Variants in OPCML observed in about 807,000 individuals in gnomAD.
The protein encoded by OPCML is opioid-binding protein/cell adhesion molecule.
OPCML carries 13 observed loss-of-function variants against 37.8 expected under a neutral mutation model. That is an observed-to-expected ratio of 0.34 (90% CI 0.22 to 0.55). The LOEUF is 0.55. Among genes scored for constraint, OPCML ranks in the 20% least tolerant of loss-of-function variants. The pLI is 0.91. For missense variants in OPCML, 341 were observed against 435.6 expected (o/e 0.78, Z 1.93); for synonymous variants, 176 against 168.8 (o/e 1.04, Z -0.33).
At chr11:133,015,858 A>G (rs1308206045) in intron 1 of OPCML, among the ~76,000 whole-genome samples, 2 of 151,910 alleles carry the variant, frequency 1.3e-5, no homozygotes, top group Non-Finnish European at 2.9e-5. Context: ...TATCCTCCCC[A>G]TCCCTAACAA....
rs77940690 is a variant in OPCML at position 132,645,193 on chromosome 11, G to T, written c.379+11894C>A. On this transcript the variant is annotated intron_variant, in intron 3 of 7. Coordinates refer to ENST00000524381, the MANE Select transcript of OPCML (RefSeq NM_001012393.5). ...CCTAAATTAAGGAATTCTTTTTAAGGTTTCACTAAGAACTTCTTTATTCAA... is the reference window on the plus strand; with the variant it reads ...CCTAAATTAAGGAATTCTTTTTAAGTTTTCACTAAGAACTTCTTTATTCAA... 1.1e-3 allele frequency among the ~76,000 whole-genome samples: 164 copies of T among 152,204 alleles called. 1 individual carries two copies. The Middle Eastern group carries it at 0.031, about 28-fold the overall frequency.
At chr11:133,004,798 A>T (rs1194083557) in intron 1 of OPCML, 1 of 985,026 alleles carries the variant, frequency 1.0e-6, no homozygotes, top group Non-Finnish European at 1.2e-6. Flanking sequence ...CTTCCACCAC[A>T]CTCCGTCTAA....
intron 4 of OPCML, among the ~76,000 whole-genome samples, chr11:132,451,900 C>A (rs1489211913): frequency 6.6e-6 from 1 of 152,174 alleles, no homozygotes. Context: ...CCCGTTTTCT[C>A]TCTTCCTCTG....
At chr11:133,236,107 A>G (rs1174715975) in intron 1 of OPCML, among the ~76,000 whole-genome samples, 1 of 152,186 alleles carries the variant, frequency 6.6e-6, no homozygotes, top group African/African-American at 2.4e-5. Flanking sequence ...AAATAGAACA[A>G]TGATGACCAT....
chr11:132,687,804 T>C (rs1943230395), intron 2 of OPCML, among the ~76,000 whole-genome samples: 1 of 152,154 alleles, frequency 6.6e-6, no homozygotes, highest in African/African-American at 2.4e-5. Flanking sequence ...CATCAGTCAC[T>C]TTACTTTCTT....
At chr11:133,511,498 T>C (rs769736667) in intron 1 of OPCML, among the ~76,000 whole-genome samples, 6 of 151,958 alleles carry the variant, frequency 3.9e-5, no homozygotes, top group Non-Finnish European at 5.9e-5. Context: ...TCTTGACTGT[T>C]GCTTGAATAA....
chr11:133,351,610 G>T (rs1377366434), intron 1 of OPCML, among the ~76,000 whole-genome samples: 1 of 152,120 alleles, frequency 6.6e-6, no homozygotes, highest in Non-Finnish European at 1.5e-5. Flanking sequence ...TCTCCTGTTT[G>T]CACACTCTGT....
At chr11:133,049,172 T>C (rs947616071) in intron 1 of OPCML, among the ~76,000 whole-genome samples, 11 of 152,216 alleles carry the variant, frequency 7.2e-5, no homozygotes, top group African/African-American at 2.2e-4. Context: ...TTGGATTCTA[T>C]GTGATTTTCA....
At chr11:133,062,462 C>T (rs1451808735) in intron 1 of OPCML, among the ~76,000 whole-genome samples, 1 of 152,152 alleles carries the variant, frequency 6.6e-6, no homozygotes, top group Non-Finnish European at 1.5e-5. Context: ...TTTTAATTTG[C>T]AAATGATATC....
Position 133,115,452 on chromosome 11 carries a change from A to G in OPCML, c.62-172442T>C, listed in dbSNP as rs74952227. 4.2e-3 allele frequency among the ~76,000 whole-genome samples: 640 copies of G among 152,334 alleles called. 9 individuals are homozygous for G. Among genetic ancestry groups the G allele is most frequent in the Admixed American group, 0.03 (453 of 15,304 alleles). ...AGTGCCTAGAATTTCTACGGAAGCC[A>G]CCTGAGAAGAAAACAGGTCTATCTG... On this transcript the variant is annotated intron_variant, in intron 1 of 7. Transcript: ENST00000524381.
At chr11:132,790,046 A>C (rs1937791507) in intron 2 of OPCML, among the ~76,000 whole-genome samples, 1 of 152,216 alleles carries the variant, frequency 6.6e-6, no homozygotes, top group African/African-American at 2.4e-5. Context: ...TTCTCAAAAA[A>C]ACTAAAAATA....
intron 1 of OPCML, among the ~76,000 whole-genome samples, chr11:133,385,553 G>A (rs558827378): frequency 9.9e-5 from 15 of 152,212 alleles, no homozygotes; most frequent in East Asian, 1.9e-4. Flanking sequence ...TGGGGAGGAC[G>A]GGAACACTTA....
intron 2 of OPCML, among the ~76,000 whole-genome samples, chr11:132,768,553 CA>C (rs746010810): frequency 1.3e-5 from 2 of 152,130 alleles, no homozygotes; most frequent in Non-Finnish European, 2.9e-5. Context: ...AACTGGGAAA[CA>C]ATTAATGTGT....
intron 1 of OPCML, among the ~76,000 whole-genome samples, chr11:132,952,426 A>G: frequency 6.6e-6 from 1 of 152,176 alleles, no homozygotes; most frequent in African/African-American, 2.4e-5. Context: ...CTGCTTGCAC[A>G]ATTAATGCAG....
At chr11:132,571,045 G>A (rs185619732) in intron 3 of OPCML, among the ~76,000 whole-genome samples, 83 of 151,866 alleles carry the variant, frequency 5.5e-4, no homozygotes, top group African/African-American at 1.7e-3. Flanking sequence ...CCATCCATTC[G>A]GCTGCCAGCC....
chr11:132,749,968 T>C (rs1461467749), intron 2 of OPCML, among the ~76,000 whole-genome samples: 2 of 152,104 alleles, frequency 1.3e-5, no homozygotes, highest in African/African-American at 4.8e-5. Flanking sequence ...CTGTAACCTC[T>C]GCCTCCAGGG....
chr11:132,967,678 G>A (rs183156481), intron 1 of OPCML, among the ~76,000 whole-genome samples: 2 of 152,244 alleles, frequency 1.3e-5, no homozygotes, highest in African/African-American at 4.8e-5. Context: ...AAGAAAGAAG[G>A]AATAGGCATT....
chr11:132,809,036 G>T (rs564594729), intron 2 of OPCML, among the ~76,000 whole-genome samples: 12 of 152,288 alleles, frequency 7.9e-5, no homozygotes, highest in Middle Eastern at 6.8e-3. Context: ...CCCACTGACA[G>T]CTTCTGGAAG....
intron 1 of OPCML, among the ~76,000 whole-genome samples, chr11:133,530,318 G>C (rs1202287318): frequency 6.6e-6 from 1 of 152,220 alleles, no homozygotes; most frequent in Non-Finnish European, 1.5e-5. Flanking sequence ...TGCAGCTTCT[G>C]CAGACTGGGG....
Sources: gnomAD v4.1 joint callset for allele counts (sites outside exome capture counted in the v4.1 genomes callset) on GRCh38, gnomAD v4.1.1 for gene constraint, MANE v1.5 for transcripts, NCBI Gene and HGNC (gene_info 2026-07-23, HGNC 2026-07-21) for gene names.